The following STAC variants were observed in gnomAD, a reference collection of about 807,000 sequenced individuals.
STAC encodes SH3 and cysteine rich domain.
In STAC, 43 loss-of-function variants were observed where a neutral mutation model predicts 48.8. The observed-to-expected ratio is 0.88, with a 90% CI of 0.69 to 1.14. The LOEUF (loss-of-function observed/expected upper bound fraction) is 1.14. Among genes scored for constraint, STAC ranks in the 50% most tolerant of loss-of-function variants. The probability of loss-of-function intolerance (pLI) is 0.00; values close to 1 mark genes in which losing one functional copy is unlikely to be tolerated. For synonymous variants in STAC, 193 were observed against 179.5 expected (o/e 1.07, Z -0.60); for missense variants, 497 against 504.0 (o/e 0.99, Z 0.13).
intron 8 of STAC, among the ~76,000 whole-genome samples, chr3:36,508,858 G>T (rs141147566): frequency 6.6e-6 from 1 of 152,244 alleles, no homozygotes; most frequent in African/African-American, 2.4e-5. Flanking sequence ...GATGGGTCTT[G>T]ACTCTTTATC....
intron 6 of STAC, among the ~76,000 whole-genome samples, chr3:36,501,565 A>G (rs1698284458): frequency 1.3e-5 from 2 of 152,312 alleles, no homozygotes; most frequent in South Asian, 4.1e-4. Context: ...ATAAAGATAG[A>G]TATCAACGAT....
intron 1 of STAC, among the ~76,000 whole-genome samples, chr3:36,425,774 C>T (rs1488946617): frequency 6.6e-6 from 1 of 152,028 alleles, no homozygotes; most frequent in Non-Finnish European, 1.5e-5. Context: ...CCCTGTAATC[C>T]CAGCACTTTG....
intron 1 of STAC, among the ~76,000 whole-genome samples, chr3:36,388,833 T>C (rs1699678816): frequency 1.3e-5 from 2 of 152,172 alleles, no homozygotes; most frequent in Non-Finnish European, 2.9e-5. Flanking sequence ...GTTTTGTAAC[T>C]TTATTTTTGC....
At chr3:36,533,100 A>G (rs1276730306) in intron 10 of STAC, among the ~76,000 whole-genome samples, 2 of 152,230 alleles carry the variant, frequency 1.3e-5, no homozygotes, top group Non-Finnish European at 2.9e-5. Context: ...GCCCTTAACA[A>G]TGTGGAAAGA....
intron 8 of STAC, among the ~76,000 whole-genome samples, chr3:36,507,326 T>C (rs1185862599): frequency 6.6e-6 from 1 of 152,220 alleles, no homozygotes; most frequent in Non-Finnish European, 1.5e-5. Flanking sequence ...TTTGCCAGTA[T>C]TTTATGAGGA....
At chr3:36,492,444 G>A (rs541082168) in intron 5 of STAC, among the ~76,000 whole-genome samples, 9 of 152,202 alleles carry the variant, frequency 5.9e-5, no homozygotes, top group Non-Finnish European at 1.0e-4. Flanking sequence ...GATTCTCTCC[G>A]GGCTTCAGAT....
chr3:36,487,539 T>C (rs113464180), intron 5 of STAC, among the ~76,000 whole-genome samples: 6 of 152,302 alleles, frequency 3.9e-5, no homozygotes, highest in African/African-American at 9.6e-5. Flanking sequence ...ACTAGCACTG[T>C]AGGGGACACA....
In STAC at chr3:36,380,678, T is replaced by C; in HGVS notation, c.35T>C (p.Val12Ala). 6.2e-7 allele frequency: 1 copy of C among 1,607,868 alleles called. No individual in the cohort carries two copies. The highest frequency in any genetic ancestry group is 1.1e-5 in the South Asian group (1 of 89,762). Residue 12 changes from valine (V) to alanine (A), a missense_variant, in exon 1 of 11, where the codon GTG becomes GCG. Coordinates refer to ENST00000273183, the MANE Select transcript of STAC (RefSeq NM_003149.3). ...CCGAGCAGCCCCCGCGAGGACGGCG[T>C]GGACGGGCTGCCCAAGGAGGCGGTG... ...IPPSSPREDGVDGLPKEAVGA... is the reference protein window; with the variant it reads ...IPPSSPREDGADGLPKEAVGA...
chr3:36,535,778 T>G (rs1699182884), intron 10 of STAC, among the ~76,000 whole-genome samples: 1 of 152,246 alleles, frequency 6.6e-6, no homozygotes, highest in African/African-American at 2.4e-5. Flanking sequence ...ATGTATTGAT[T>G]TGCATATGTT....
chr3:36,509,467 A>C (rs2125716201), intron 8 of STAC, among the ~76,000 whole-genome samples: 1 of 152,186 alleles, frequency 6.6e-6, no homozygotes, highest in South Asian at 2.1e-4. Flanking sequence ...AGTTTGGGGA[A>C]GTTCTCCTGG....
intron 1 of STAC, among the ~76,000 whole-genome samples, chr3:36,438,303 T>C (rs998112965): frequency 1.8e-4 from 28 of 152,198 alleles, no homozygotes; most frequent in African/African-American, 6.5e-4. Context: ...AAGTAAATGA[T>C]ATAGAGTAGT....
intron 1 of STAC, among the ~76,000 whole-genome samples, chr3:36,431,542 T>C (rs1227712270): frequency 6.6e-6 from 1 of 152,232 alleles, no homozygotes; most frequent in African/African-American, 2.4e-5. Context: ...GAGCGTGCTC[T>C]GAAACTTGCC....
At chr3:36,451,749 G>C (rs1014870899) in intron 2 of STAC, among the ~76,000 whole-genome samples, 1 of 152,134 alleles carries the variant, frequency 6.6e-6, no homozygotes, top group Non-Finnish European at 1.5e-5. Flanking sequence ...TCATTTCTTT[G>C]TGTTGGGAAT....
chr3:36,460,416 T>C (rs1696982011), intron 2 of STAC, among the ~76,000 whole-genome samples: 1 of 152,142 alleles, frequency 6.6e-6, no homozygotes, highest in Non-Finnish European at 1.5e-5. Flanking sequence ...GACACACTTG[T>C]CCCATGCAAT....
chr3:36,546,766 A>T lies in STAC; in HGVS notation c.*477A>T, dbSNP rs1699458143. 1 of 159,658 alleles carries T rather than the reference A, an allele frequency of 6.3e-6. No individual in the cohort carries two copies. The highest frequency in any genetic ancestry group is 2.4e-5 in the African/African-American group (1 of 41,660). 9.9% of individuals were successfully genotyped at this position (159,658 alleles called of 1,614,324 possible). Reference sequence around the variant, plus strand: ...GCCCCAAGCAATCTCTGTGCAAAGCATCAGAAAGACCTGCTTCCCAGCCCC... The same window carrying T: ...GCCCCAAGCAATCTCTGTGCAAAGCTTCAGAAAGACCTGCTTCCCAGCCCC... On this transcript the variant is annotated 3_prime_UTR_variant, in exon 11 of 11. Transcript: ENST00000273183.
chr3:36,495,641 C>A (rs562458741), intron 6 of STAC, among the ~76,000 whole-genome samples: 1 of 152,262 alleles, frequency 6.6e-6, no homozygotes, highest in Non-Finnish European at 1.5e-5. Context: ...TCACCAATTC[C>A]TTGAGGAGTT....
intron 8 of STAC, among the ~76,000 whole-genome samples, chr3:36,508,635 C>T (rs189908203): frequency 5.2e-4 from 79 of 151,784 alleles, no homozygotes; most frequent in African/African-American, 1.9e-3. Context: ...TTTAGGGTAG[C>T]TCTTCTGGTG....
Position 36,390,707 on chromosome 3 carries a change from C to T in STAC, c.111+9953C>T, listed in dbSNP as rs146459376. On this transcript the variant is annotated intron_variant, in intron 1 of 10. Transcript: ENST00000273183. ...TTATTTTTAAGGCTATGCCAAGTTTCAGAAAATGAATTGGGAACATGTCCA... is the reference window on the plus strand; with the variant it reads ...TTATTTTTAAGGCTATGCCAAGTTTTAGAAAATGAATTGGGAACATGTCCA... Among the ~76,000 whole-genome samples the T allele has an allele frequency of 5.6e-3, 847 of 151,982 alleles. 6 individuals are homozygous for T. The highest frequency in any genetic ancestry group is 8.7e-3 in the Non-Finnish European group (591 of 67,960).
rs561187075 is a variant in STAC at position 36,504,409 on chromosome 3, A to T, written c.783A>T (p.Glu261Asp). The T allele has an allele frequency of 6.2e-7, 1 of 1,613,318 alleles. No individual in the cohort carries two copies. The highest frequency in any genetic ancestry group is 1.7e-5 in the Admixed American group (1 of 59,902). The change falls in exon 7 of 11, where the codon GAA (glutamate) becomes GAT (aspartate). Residue 261 changes from glutamate to aspartate, a missense_variant. By Grantham distance (45) the Glu-to-Asp change is conservative. Coordinates refer to ENST00000273183, the MANE Select transcript of STAC (RefSeq NM_003149.3). ...KRSNSVFTYPENGTDDFRDPA... is the reference protein window; with the variant it reads ...KRSNSVFTYPDNGTDDFRDPA... The stretch of plus-strand genomic sequence containing the variant: ...CTCCTTCAGTGTTTACATATCCAGA[A>T]AATGGCACTGATGATTTCAGAGATC...
Sources: gnomAD v4.1 joint callset for allele counts (sites outside exome capture counted in the v4.1 genomes callset) on GRCh38, gnomAD v4.1.1 for gene constraint, MANE v1.5 for transcripts, NCBI Gene and HGNC (gene_info 2026-07-23, HGNC 2026-07-21) for gene names.